LSM5: variants seen among roughly 807,000 people sequenced by gnomAD.
The protein encoded by LSM5 is U6 snRNA-associated Sm-like protein LSm5.
A neutral mutation model predicts 13.8 loss-of-function variants in LSM5; 8 were observed. The observed-to-expected ratio is 0.58, with a 90% confidence interval of 0.34 to 1.04. The LOEUF is 1.04. LSM5 is among the 50% of genes least tolerant of loss of function. LSM5 has a pLI of 0.03. For missense variants in LSM5, 80 were observed against 108.1 expected (o/e 0.74, Z 1.15); for synonymous variants, 35 against 37.0 (o/e 0.95, Z 0.20).
At position 32,485,942 on chromosome 7, in the gene LSM5, C is replaced by CAAAAAAAAAAAAAA; in HGVS notation, c.*1305_*1318dup. Reference sequence around the variant, plus strand: ...GCCACTGCATTCCAGTGAGACTCTCCAAAAAAAAAAAAAAAAAAAAAAAAA... The same window carrying CAAAAAAAAAAAAAA: ...GCCACTGCATTCCAGTGAGACTCTCCAAAAAAAAAAAAAAAAAAAAAAAAAAAAAAAAAAAAAAA... On this transcript the variant is annotated 3_prime_UTR_variant, in exon 5 of 5. Transcript: ENST00000450169. 8.7e-6 allele frequency: 1 copy of CAAAAAAAAAAAAAA among 114,544 alleles called. No individual in the cohort carries two copies. The highest frequency in any genetic ancestry group is 3.4e-5 in the African/African-American group (1 of 29,196). 7.1% of individuals were successfully genotyped at this position (114,544 alleles called of 1,614,324 possible).
At chr7:32,491,089 C>T (rs185710231), upstream of LSM5, among the ~76,000 whole-genome samples, 2,155 of 152,220 alleles carry the variant, frequency 0.014, 133 homozygotes, top group Admixed American at 0.11. Flanking sequence ...TATTTGTATC[C>T]TAGGAACTTA....
upstream of LSM5, chr7:32,490,989 A>G (rs1786570654): frequency 6.5e-6 from 1 of 153,798 alleles, no homozygotes; most frequent in Non-Finnish European, 1.4e-5. Flanking sequence ...GGCAACCACC[A>G]GATGTCACTC....
chr7:32,494,764 G>A (rs1786697828), upstream of LSM5, among the ~76,000 whole-genome samples: 1 of 152,176 alleles, frequency 6.6e-6, no homozygotes, highest in African/African-American at 2.4e-5. Context: ...CCCAAAATGA[G>A]ATGGAATGAA....
intron 2 of LSM5, among the ~76,000 whole-genome samples, chr7:32,488,896 T>C (rs1324200671): frequency 2.0e-5 from 3 of 152,124 alleles, no homozygotes; most frequent in South Asian, 4.1e-4. Context: ...AGCTAATTTT[T>C]GTAATTTTTG....
intron 2 of LSM5, 81 bp downstream of exon 2, chr7:32,489,168 T>C: frequency 7.3e-6 from 5 of 687,012 alleles, no homozygotes. Context: ...ATTATAATAA[T>C]CACAAATATA....
At chr7:32,493,478 AT>A (rs1786637283), upstream of LSM5, among the ~76,000 whole-genome samples, 1 of 151,850 alleles carries the variant, frequency 6.6e-6, no homozygotes, top group Admixed American at 6.6e-5. Context: ...AATCCTGGAA[AT>A]TCCCTTGTTC....
upstream of LSM5, among the ~76,000 whole-genome samples, chr7:32,492,535 A>ACAAC (rs61623411): frequency 7.3e-5 from 11 of 151,476 alleles, no homozygotes; most frequent in East Asian, 3.9e-4. Context: ...AACAACAACA[A>ACAAC]AAAAAAAACA....
At chr7:32,490,245 G>A (rs962965138) in intron 1 of LSM5, 75 bp downstream of exon 1, 2 of 1,613,430 alleles carry the variant, frequency 1.2e-6, no homozygotes, top group Admixed American at 1.7e-5. Context: ...GCCAGGGCCT[G>A]CCTCGGAACA....
At chr7:32,495,179 G>A (rs887327447), upstream of LSM5, 10 of 152,672 alleles carry the variant, frequency 6.5e-5, no homozygotes, top group African/African-American at 2.4e-4. Flanking sequence ...AGAGAAGGAA[G>A]TGCTTTGAGA....
chr7:32,491,094 A>T (rs1293360992), upstream of LSM5, among the ~76,000 whole-genome samples: 1 of 152,180 alleles, frequency 6.6e-6, no homozygotes, highest in Non-Finnish European at 1.5e-5. Context: ...GTATCCTAGG[A>T]ACTTAAACCT....
At chr7:32,489,941 T>C (rs183916394) in intron 1 of LSM5, 3 of 909,966 alleles carry the variant, frequency 3.3e-6, no homozygotes, top group African/African-American at 3.5e-5. Context: ...ACCAGGGTGT[T>C]AGTGTCACTA....
At chr7:32,488,531 G>C in intron 3 of LSM5, 94 bp downstream of exon 3, 1 of 839,662 alleles carries the variant, frequency 1.2e-6, no homozygotes, top group East Asian at 2.4e-5. Context: ...ATTCCACCAA[G>C]AGGTAATGTT....
chr7:32,490,092 T>C, intron 1 of LSM5: 1 of 1,510,528 alleles, frequency 6.6e-7, no homozygotes, highest in Non-Finnish European at 8.9e-7. Context: ...TGTGGACCTT[T>C]TCCAGTGAAG....
upstream of LSM5, among the ~76,000 whole-genome samples, chr7:32,492,082 CTCTT>C (rs1340785187): frequency 1.3e-5 from 2 of 152,142 alleles, no homozygotes; most frequent in African/African-American, 2.4e-5. Flanking sequence ...CTTTCTCTTT[CTCTT>C]TTTTTCTTTT....
chr7:32,490,460 C>A (rs1583464409), upstream of LSM5: 1 of 1,046,172 alleles, frequency 9.6e-7, no homozygotes, highest in Non-Finnish European at 1.5e-6. Context: ...CTCGACCAAT[C>A]TGAGGCCGAG....
chr7:32,488,456 AT>A (rs1402960144), intron 3 of LSM5, 168 bp downstream of exon 3: 1 of 563,088 alleles, frequency 1.8e-6, no homozygotes, highest in East Asian at 3.0e-5. Context: ...TAATAATTAC[AT>A]TAAGGTAATA....
At chr7:32,488,599 C>T in intron 3 of LSM5, 26 bp downstream of exon 3, 2 of 1,518,824 alleles carry the variant, frequency 1.3e-6, no homozygotes, top group Non-Finnish European at 1.8e-6. Context: ...AGAAGAGATT[C>T]CCCCCAATTC....
intron 2 of LSM5, 66 bp downstream of exon 2, chr7:32,489,183 T>C (rs539839669): frequency 2.5e-5 from 19 of 762,184 alleles, no homozygotes; most frequent in East Asian, 1.8e-4. Context: ...AATATACTGA[T>C]TGTCTATAGT....
chr7:32,494,750 T>C (rs1786697504), upstream of LSM5, among the ~76,000 whole-genome samples: 1 of 152,222 alleles, frequency 6.6e-6, no homozygotes, highest in Non-Finnish European at 1.5e-5. Context: ...ACCAGAGTAC[T>C]ACACCCAAAA....
Sources: allele counts gnomAD v4.1 joint callset (sites outside exome capture counted in the v4.1 genomes callset), GRCh38; gene constraint gnomAD v4.1.1; transcripts MANE v1.5; gene names NCBI Gene and HGNC (gene_info 2026-07-23, HGNC 2026-07-21).